DKK3: variants seen among roughly 807,000 people sequenced by gnomAD.
The protein encoded by DKK3 is dickkopf Wnt signaling pathway inhibitor 3.
Under a neutral mutation model 33.2 loss-of-function variants are expected in DKK3, and 22 were observed. The ratio of observed to expected loss-of-function variants is 0.66; its 90% CI spans 0.47 to 0.95. The LOEUF (loss-of-function observed/expected upper bound fraction) is 0.95, where lower values mean the gene tolerates loss of function less well. Among genes scored for constraint, DKK3 ranks in the 40% least tolerant of loss-of-function variants. The pLI is 0.00. For missense variants in DKK3, 398 were observed against 458.4 expected (o/e 0.87, Z 1.20); for synonymous variants, 194 against 188.8 (o/e 1.03, Z -0.23).
At chr11:11,998,338 G>T in intron 3 of DKK3, 1 of 355,588 alleles carries the variant, frequency 2.8e-6, no homozygotes, top group South Asian at 3.2e-5. Flanking sequence ...TACAAAAGGG[G>T]TAGCCATCCC....
intron 1 of DKK3, among the ~76,000 whole-genome samples, chr11:12,006,632 G>C (rs1848541609): frequency 6.6e-6 from 1 of 152,190 alleles, no homozygotes; most frequent in South Asian, 2.1e-4. Context: ...GAGGAAAGCT[G>C]GGGTCTTGGC....
upstream of DKK3, chr11:12,009,277 C>G (rs867680903): frequency 1.0e-6 from 1 of 984,114 alleles, no homozygotes; most frequent in African/African-American, 1.8e-5. Flanking sequence ...GTGGGCGGGC[C>G]GCGGGTGCGG....
At chr11:12,006,530 C>T (rs1406097277) in intron 1 of DKK3, among the ~76,000 whole-genome samples, 1 of 151,740 alleles carries the variant, frequency 6.6e-6, no homozygotes, top group African/African-American at 2.4e-5. Context: ...AGCGAGGACA[C>T]CTCTGGGAAA....
At chr11:11,973,377 T>C (rs1470503461) in intron 3 of DKK3, among the ~76,000 whole-genome samples, 1 of 152,184 alleles carries the variant, frequency 6.6e-6, no homozygotes, top group African/African-American at 2.4e-5. Context: ...GGGACAGGGC[T>C]CTGGGCCCCA....
At position 12,008,610 on chromosome 11, in the gene DKK3, T is replaced by A. The variant is rs1004396369; in HGVS notation, c.-28A>T. 32 of 1,371,482 alleles carry A rather than the reference T, an allele frequency of 2.3e-5. No homozygotes were observed. Among genetic ancestry groups the A allele is most frequent in the African/African-American group, 1.2e-4 (8 of 65,468 alleles). 85.0% of individuals were successfully genotyped at this position (1,371,482 alleles called of 1,614,324 possible). A position where few individuals can be genotyped will look rare whatever the true frequency, so the allele number is the denominator to read the frequency against. ...CCGCTCTGCGCCCGCAGCCGCCGCC[T>A]GTGTGTCCCGGAACGCGATCAGAGG... On this transcript the variant is annotated 5_prime_UTR_variant, in exon 1 of 7. Coordinates refer to ENST00000683431, the MANE Select transcript of DKK3 (RefSeq NM_001018057.2). This position sits in a 1 kb window ranked among gnomAD's most constrained non-coding sequence, Gnocchi z 4.6.
At chr11:11,968,076 C>G (rs1315160416) in intron 4 of DKK3, among the ~76,000 whole-genome samples, 1 of 152,220 alleles carries the variant, frequency 6.6e-6, no homozygotes, top group Non-Finnish European at 1.5e-5. Flanking sequence ...TTGGTCTCCC[C>G]AAAGTGCTGG....
At chr11:11,969,987 C>T (rs1270497762) in intron 3 of DKK3, among the ~76,000 whole-genome samples, 1 of 152,222 alleles carries the variant, frequency 6.6e-6, no homozygotes, top group Non-Finnish European at 1.5e-5. Flanking sequence ...GCCCCAGCGG[C>T]CAGAGAAGTC....
At position 11,964,494 on chromosome 11, in the gene DKK3, G is replaced by A. The variant is rs1396723681; in HGVS notation, c.1023C>T (p.Ala341=). ...EMALREPAAA[A]AALLGGEEI ...TCTCTTCCCCTCCCAGCAGTGCAGC[G>A]GCGGCAGCCGCAGGCTCCCTCAGCG... The change falls in exon 7 of 7, where the codon GCC becomes GCT. Residue 341 remains alanine, a synonymous_variant. Transcript: ENST00000683431. 3.1e-6 allele frequency: 5 copies of A among 1,612,774 alleles called. No homozygotes were observed. Among genetic ancestry groups the A allele is most frequent in the Non-Finnish European group, 4.2e-6 (5 of 1,179,894 alleles).
intron 2 of DKK3, 94 bp from the exon 3 acceptor site, chr11:11,998,873 C>G (rs1848359271): frequency 5.9e-6 from 7 of 1,186,530 alleles, no homozygotes; most frequent in Non-Finnish European, 8.7e-6. Context: ...TTTTCTGAAG[C>G]AGGAGCATCC....
At chr11:11,972,639 A>T (rs1431650789) in intron 3 of DKK3, among the ~76,000 whole-genome samples, 1 of 152,202 alleles carries the variant, frequency 6.6e-6, no homozygotes, top group African/African-American at 2.4e-5. Context: ...TACCCTTAGT[A>T]GAACTGAGTG....
At chr11:11,982,369 C>G (rs1244137566) in intron 3 of DKK3, among the ~76,000 whole-genome samples, 1 of 152,122 alleles carries the variant, frequency 6.6e-6, no homozygotes, top group Non-Finnish European at 1.5e-5. Flanking sequence ...CATGTCCCAC[C>G]AGCTTCCCCG....
intron 3 of DKK3, among the ~76,000 whole-genome samples, chr11:11,992,632 G>A (rs954930311): frequency 6.6e-6 from 1 of 152,174 alleles, no homozygotes; most frequent in African/African-American, 2.4e-5. Context: ...GGCCTGGAAT[G>A]CAAAACTGAC....
upstream of DKK3, chr11:12,008,864 C>T (rs1848601008): frequency 8.8e-7 from 1 of 1,139,604 alleles, no homozygotes; most frequent in African/African-American, 1.6e-5. The surrounding 1 kb of genome is among the most constrained non-coding windows in gnomAD (Gnocchi z 4.6). Flanking sequence ...GAGCTCTGCT[C>T]CTCACCTGTG....
intron 2 of DKK3, chr11:12,001,907 C>T (rs12418756): frequency 0.092 from 14,416 of 156,976 alleles, 775 homozygotes; most frequent in Middle Eastern, 0.15. Context: ...TTCACCATAA[C>T]GTGGTCTCTA....
intron 2 of DKK3, among the ~76,000 whole-genome samples, chr11:12,000,677 A>ATTTTT (rs34623420): frequency 7.0e-6 from 1 of 141,976 alleles, no homozygotes; most frequent in Admixed American, 7.0e-5. Flanking sequence ...GCTAAGGCTA[A>ATTTTT]TTTTTTTTTT....
At chr11:11,980,374 G>C (rs947915374) in intron 3 of DKK3, among the ~76,000 whole-genome samples, 1 of 152,220 alleles carries the variant, frequency 6.6e-6, no homozygotes, top group South Asian at 2.1e-4. Context: ...CCAAGGTCAT[G>C]AGTTCCTGTA....
At chr11:11,966,365 T>G (rs1174603346) in intron 5 of DKK3, among the ~76,000 whole-genome samples, 2 of 152,056 alleles carry the variant, frequency 1.3e-5, no homozygotes, top group African/African-American at 4.8e-5. Flanking sequence ...GGCAAGTAAG[T>G]TGGAGCTGCA....
At chr11:11,977,116 C>T (rs1385479192) in intron 3 of DKK3, among the ~76,000 whole-genome samples, 3 of 152,186 alleles carry the variant, frequency 2.0e-5, no homozygotes, top group African/African-American at 7.2e-5. Flanking sequence ...GCTGCTCCCA[C>T]CAATTTTCTT....
At chr11:11,975,419 G>A (rs547257606) in intron 3 of DKK3, among the ~76,000 whole-genome samples, 14 of 152,352 alleles carry the variant, frequency 9.2e-5, no homozygotes, top group Admixed American at 9.1e-4. Context: ...TGAAGGTTTG[G>A]GTGGGGCATG....
Sources: gnomAD v4.1 joint callset for allele counts (sites outside exome capture counted in the v4.1 genomes callset) on GRCh38, gnomAD v4.1.1 for gene constraint, Gnocchi (gnomAD v3.1) non-coding constraint, MANE v1.5 for transcripts, NCBI Gene and HGNC (gene_info 2026-07-23, HGNC 2026-07-21) for gene names.